The following SLC2A12 variants were observed in gnomAD, a reference collection of about 807,000 sequenced individuals.
The protein encoded by SLC2A12 is solute carrier family 2, facilitated glucose transporter member 12.
SLC2A12 carries 23 observed loss-of-function variants against 41.8 expected under a neutral mutation model. The ratio of observed to expected loss-of-function variants is 0.55; its 90% CI spans 0.40 to 0.78. The LOEUF (loss-of-function observed/expected upper bound fraction) is 0.78. Ranked by LOEUF, SLC2A12 falls within the 30% of genes least tolerant of loss-of-function variation. The pLI, the probability that SLC2A12 is intolerant of heterozygous loss-of-function variation, is 0.00. For synonymous variants in SLC2A12, 295 were observed against 285.9 expected, an observed-to-expected ratio of 1.03 and a Z score of -0.32; for missense variants, 654 against 745.6, an observed-to-expected ratio of 0.88 and a Z score of 1.43.
At chr6:134,022,696 A>G (rs1287571009) in intron 2 of SLC2A12, among the ~76,000 whole-genome samples, 2 of 152,268 alleles carry the variant, frequency 1.3e-5, no homozygotes, top group African/African-American at 4.8e-5. Flanking sequence ...ATTTGTAAAC[A>G]TTGATGACAT....
At chr6:134,027,351 C>T (rs556917252) in intron 2 of SLC2A12, among the ~76,000 whole-genome samples, 1 of 152,310 alleles carries the variant, frequency 6.6e-6, no homozygotes, top group Non-Finnish European at 1.5e-5. Flanking sequence ...TTCAGCATAG[C>T]CTATACCTTC....
In SLC2A12 at chr6:134,006,786, A is replaced by G. The variant is rs372560508; in HGVS notation, c.1567+26T>C. On this transcript the variant is annotated intron_variant, in intron 3 of 4. Coordinates refer to ENST00000275230, the MANE Select transcript of SLC2A12 (RefSeq NM_145176.3). ...CATTTGTCCTACGAGGACCAAAGAC[A>G]TTAGAGGAAAACAAAGACTTCTTAC... The G allele has an allele frequency of 1.3e-3, 2,097 of 1,613,452 alleles. 22 individuals carry two copies. Among genetic ancestry groups the G allele is most frequent in the South Asian group, 0.01 (948 of 90,936 alleles).
intron 1 of SLC2A12, among the ~76,000 whole-genome samples, chr6:134,031,404 AAAACAAAAAAC>A (rs1642597224): frequency 7.6e-6 from 1 of 131,894 alleles, no homozygotes; most frequent in South Asian, 2.6e-4. Flanking sequence ...AAAAAAACAA[AAAACAAAAAAC>A]AAACAACAAA....
intron 3 of SLC2A12, among the ~76,000 whole-genome samples, chr6:134,006,204 A>AC (rs1776814553): frequency 6.7e-6 from 1 of 148,154 alleles, no homozygotes; most frequent in African/African-American, 2.5e-5. Flanking sequence ...AAAAAAAAAA[A>AC]CAGAGAAACA....
At position 134,001,996 on chromosome 6, in the gene SLC2A12, C is replaced by G; in HGVS notation, c.1700+1G>C. The G allele has an allele frequency of 6.2e-7, 1 of 1,609,620 alleles. No individual in the cohort carries two copies. Among genetic ancestry groups the G allele is most frequent in the Non-Finnish European group, 8.5e-7 (1 of 1,178,722 alleles). ...CAGAAACCAATGCATGTAATACTTACACTTTTGCTAGCTCCATTGATATTT... is the reference window on the plus strand; with the variant it reads ...CAGAAACCAATGCATGTAATACTTAGACTTTTGCTAGCTCCATTGATATTT... On this transcript the variant is annotated splice_donor_variant, in intron 4 of 4. Coordinates refer to ENST00000275230, the MANE Select transcript of SLC2A12 (RefSeq NM_145176.3). LOFTEE classifies it high-confidence loss of function.
intron 3 of SLC2A12, among the ~76,000 whole-genome samples, chr6:134,006,065 C>T (rs1776809133): frequency 6.6e-6 from 1 of 150,478 alleles, no homozygotes; most frequent in Non-Finnish European, 1.5e-5. Flanking sequence ...CCAGCTGCTC[C>T]AGAGGCTGAG....
chr6:134,036,194 C>T (rs1777296495), intron 1 of SLC2A12, among the ~76,000 whole-genome samples: 1 of 152,144 alleles, frequency 6.6e-6, no homozygotes, highest in Admixed American at 6.6e-5. Flanking sequence ...GGCAGGCAGC[C>T]AGGTAATTAT....
At chr6:134,036,993 A>C (rs1191335069) in intron 1 of SLC2A12, among the ~76,000 whole-genome samples, 1 of 151,162 alleles carries the variant, frequency 6.6e-6, no homozygotes, top group Admixed American at 6.6e-5. Context: ...GTTCCATAAC[A>C]TTCTCCAGGC....
chr6:134,008,763 T>C (rs1170430236), intron 2 of SLC2A12, among the ~76,000 whole-genome samples: 1 of 152,186 alleles, frequency 6.6e-6, no homozygotes, highest in Non-Finnish European at 1.5e-5. Flanking sequence ...AGCTAAATAA[T>C]ATATGCCACG....
At chr6:134,038,537 T>C (rs1777336800) in intron 1 of SLC2A12, among the ~76,000 whole-genome samples, 1 of 150,834 alleles carries the variant, frequency 6.6e-6, no homozygotes, top group African/African-American at 2.4e-5. Context: ...TTTTTGTATT[T>C]TTAGTAGAGA....
At chr6:134,008,334 A>C (rs1489664660) in intron 2 of SLC2A12, among the ~76,000 whole-genome samples, 1 of 152,246 alleles carries the variant, frequency 6.6e-6, no homozygotes, top group African/African-American at 2.4e-5. Flanking sequence ...ATTGGATTGC[A>C]GAAGACTGGA....
At chr6:133,994,237 A>C (rs1776656283) in intron 4 of SLC2A12, among the ~76,000 whole-genome samples, 1 of 152,236 alleles carries the variant, frequency 6.6e-6, no homozygotes, top group South Asian at 2.1e-4. Flanking sequence ...TAACATTGAC[A>C]TCAACTGAGG....
In SLC2A12 at chr6:134,029,186, T is replaced by G; in HGVS notation, c.639A>C (p.Ala213=). The change falls in exon 2 of 5, where the codon GCA becomes GCC. Residue 213 remains alanine, a synonymous_variant. Coordinates refer to ENST00000275230, the MANE Select transcript of SLC2A12 (RefSeq NM_145176.3). ...VIPLGVLQAI[A]MYFLPPSPRF... The stretch of plus-strand genomic sequence containing the variant: ...GAGGGCTTGGAGGAAGAAAATACAT[T>G]GCAATTGCTTGCAAAACTCCCAAGG... The G allele has an allele frequency of 6.2e-7, 1 of 1,614,108 alleles. No individual in the cohort carries two copies. Among genetic ancestry groups the G allele is most frequent in the Non-Finnish European group, 8.5e-7 (1 of 1,180,026 alleles).
intron 2 of SLC2A12, among the ~76,000 whole-genome samples, chr6:134,026,726 T>A (rs1314941732): frequency 6.6e-6 from 1 of 152,284 alleles, no homozygotes; most frequent in East Asian, 1.9e-4. Flanking sequence ...GCCCAAGCAG[T>A]CTTATAGCGG....
At chr6:134,005,001 G>A (rs1407184343) in intron 3 of SLC2A12, among the ~76,000 whole-genome samples, 6 of 151,986 alleles carry the variant, frequency 3.9e-5, no homozygotes, top group Admixed American at 2.6e-4. Flanking sequence ...AGCCTCTATC[G>A]TTTTTAAAAA....
At chr6:134,050,429 C>T (rs997186272) in intron 1 of SLC2A12, among the ~76,000 whole-genome samples, 2 of 152,138 alleles carry the variant, frequency 1.3e-5, no homozygotes, top group South Asian at 4.1e-4. Flanking sequence ...GGTACTTATT[C>T]ATTTATTATT....
intron 1 of SLC2A12, among the ~76,000 whole-genome samples, chr6:134,046,981 T>C (rs1453504325): frequency 6.6e-6 from 1 of 152,240 alleles, no homozygotes; most frequent in Non-Finnish European, 1.5e-5. Context: ...TGACTCAGTT[T>C]CAGCTGGGAA....
intron 1 of SLC2A12, among the ~76,000 whole-genome samples, chr6:134,038,615 C>A (rs1777337907): frequency 6.6e-6 from 1 of 150,980 alleles, no homozygotes; most frequent in Admixed American, 6.6e-5. Flanking sequence ...CTGCTTCTGG[C>A]CTCCCAAAGT....
chr6:134,049,416 G>A, intron 1 of SLC2A12, among the ~76,000 whole-genome samples: 1 of 152,246 alleles, frequency 6.6e-6, no homozygotes, highest in East Asian at 1.9e-4. Context: ...GGGAGCTGAA[G>A]TAGAAGTCAG....
Sources: allele counts gnomAD v4.1 joint callset (sites outside exome capture counted in the v4.1 genomes callset), GRCh38; gene constraint gnomAD v4.1.1; transcripts MANE v1.5; gene names NCBI Gene and HGNC (gene_info 2026-07-23, HGNC 2026-07-21).